TXNDC9: variants seen among roughly 807,000 people sequenced by gnomAD.
The protein encoded by TXNDC9 is thioredoxin domain-containing protein 9.
Under a neutral mutation model 23.0 loss-of-function variants are expected in TXNDC9, and 7 were observed. The observed-to-expected ratio is 0.30, with a 90% CI of 0.17 to 0.57. The LOEUF is 0.57. Ranked by LOEUF, TXNDC9 falls within the 20% of genes least tolerant of loss-of-function variation. The probability of loss-of-function intolerance (pLI) is 0.90; values close to 1 mark genes in which losing one functional copy is unlikely to be tolerated. For synonymous variants in TXNDC9, 72 were observed against 90.6 expected, an observed-to-expected ratio of 0.79 and a Z score of 1.17; for missense variants, 198 against 252.6, an observed-to-expected ratio of 0.78 and a Z score of 1.47.
At chr2:99,322,568 A>C in intron 3 of TXNDC9, 2 of 1,515,226 alleles carry the variant, frequency 1.3e-6, no homozygotes, top group Non-Finnish European at 1.8e-6. Flanking sequence ...TACAAGAATC[A>C]GAAGTGCACA....
intron 2 of TXNDC9, among the ~76,000 whole-genome samples, chr2:99,328,633 T>C (rs1038701119): frequency 1.3e-5 from 2 of 152,088 alleles, no homozygotes; most frequent in African/African-American, 4.8e-5. Flanking sequence ...ACTCTTAAAC[T>C]ACTAAAACCA....
chr2:99,316,320 G>A (rs2094188981), downstream of TXNDC9, among the ~76,000 whole-genome samples: 1 of 151,996 alleles, frequency 6.6e-6, no homozygotes, highest in South Asian at 2.1e-4. Context: ...TGAGGTGGAT[G>A]CCACCACACC....
downstream of TXNDC9, among the ~76,000 whole-genome samples, chr2:99,314,252 C>T (rs2094183582): frequency 6.6e-6 from 1 of 152,102 alleles, no homozygotes; most frequent in African/African-American, 2.4e-5. Context: ...TCTACACTGT[C>T]CTTCCTCTGT....
At chr2:99,329,823 C>T (rs956536885) in intron 2 of TXNDC9, among the ~76,000 whole-genome samples, 1 of 151,646 alleles carries the variant, frequency 6.6e-6, no homozygotes, top group African/African-American at 2.4e-5. Context: ...TGAAAATTAG[C>T]CAGGTGTGTT....
the TXNDC9 span, among the ~76,000 whole-genome samples, chr2:99,308,141 A>G: frequency 1.1e-4 from 16 of 152,280 alleles, no homozygotes; most frequent in Admixed American, 5.9e-4. Flanking sequence ...TCCTTCCTGG[A>G]GTTCTGAACT....
chr2:99,314,299 C>A (rs1287240032), downstream of TXNDC9, among the ~76,000 whole-genome samples: 2 of 152,098 alleles, frequency 1.3e-5, no homozygotes, highest in Admixed American at 1.3e-4. Flanking sequence ...TTGGGTTCTG[C>A]ATCTGTGGAT....
downstream of TXNDC9, among the ~76,000 whole-genome samples, chr2:99,315,634 A>G (rs2094187564): frequency 6.6e-6 from 1 of 152,144 alleles, no homozygotes; most frequent in African/African-American, 2.4e-5. Flanking sequence ...TTAGAGTTTT[A>G]TAGTTTTAAT....
chr2:99,313,995 T>A (rs1319918140), downstream of TXNDC9, among the ~76,000 whole-genome samples: 2 of 152,224 alleles, frequency 1.3e-5, no homozygotes, highest in Non-Finnish European at 2.9e-5. Context: ...TAAATATATA[T>A]GATTTGTTTT....
chr2:99,336,051 CAG>C (rs1367513405), intron 1 of TXNDC9, among the ~76,000 whole-genome samples, 186 bp downstream of exon 1: 6 of 152,240 alleles, frequency 3.9e-5, no homozygotes, highest in African/African-American at 7.2e-5. Context: ...CCCGGGGAAA[CAG>C]AGGAAAGCAC....
At chr2:99,320,188 T>C (rs887374206) in intron 4 of TXNDC9, among the ~76,000 whole-genome samples, 12 of 152,318 alleles carry the variant, frequency 7.9e-5, no homozygotes, top group African/African-American at 2.6e-4. Context: ...TTACATTTTT[T>C]GTAGTGATGA....
the TXNDC9 span, among the ~76,000 whole-genome samples, chr2:99,310,623 A>G: frequency 6.6e-6 from 1 of 152,172 alleles, no homozygotes; most frequent in Admixed American, 6.5e-5. Context: ...TGACCTTAAA[A>G]GAGATAGGAT....
intron 3 of TXNDC9, among the ~76,000 whole-genome samples, chr2:99,323,492 T>C (rs544969232): frequency 2.0e-5 from 3 of 152,222 alleles, no homozygotes; most frequent in African/African-American, 4.8e-5. Flanking sequence ...TCCCAACACT[T>C]TGGGAGGCTG....
chr2:99,319,846 T>G, intron 4 of TXNDC9, 47 bp from the exon 5 acceptor site: 2 of 1,130,284 alleles, frequency 1.8e-6, no homozygotes, highest in Non-Finnish European at 2.6e-6. Context: ...TTAGTACTAG[T>G]ATACTAAACT....
intron 3 of TXNDC9, among the ~76,000 whole-genome samples, chr2:99,326,141 G>A (rs1049809434): frequency 1.3e-5 from 2 of 152,174 alleles, no homozygotes; most frequent in Non-Finnish European, 2.9e-5. Flanking sequence ...ATGCGAGATG[G>A]TTGTGTACCA....
At chr2:99,316,433 C>T (rs1204475687), downstream of TXNDC9, among the ~76,000 whole-genome samples, 4 of 152,048 alleles carry the variant, frequency 2.6e-5, no homozygotes, top group East Asian at 1.9e-4. Flanking sequence ...AGCTCCAAAG[C>T]GCTGGGATTA....
the TXNDC9 span, among the ~76,000 whole-genome samples, chr2:99,311,882 C>G: frequency 3.9e-5 from 6 of 152,330 alleles, no homozygotes; most frequent in South Asian, 1.2e-3. Flanking sequence ...TAATGACAAG[C>G]TCAAAATTAT....
intron 3 of TXNDC9, among the ~76,000 whole-genome samples, chr2:99,327,189 C>T (rs1355192667): frequency 1.3e-5 from 2 of 152,146 alleles, no homozygotes; most frequent in Non-Finnish European, 2.9e-5. Context: ...TCTCCCACCT[C>T]AGCCTCCCCA....
chr2:99,327,580 T>A lies in TXNDC9; in HGVS notation c.263A>T (p.Glu88Val). ...SERDFFQEVK[E>V]SENVVCHFYR... ...GAAATGGCAAACCACATTTTCACTC[T>A]CCTTGACTTCTTGAAAAAAGTCTCT... The change falls in exon 3 of 5, where the codon GAG (glutamate) becomes GTG (valine). Residue 88 changes from glutamate to valine, a missense_variant. Coordinates refer to ENST00000264255, the MANE Select transcript of TXNDC9 (RefSeq NM_005783.4). The A allele has an allele frequency of 3.1e-6, 5 of 1,613,848 alleles. No homozygotes were observed. The highest frequency in any genetic ancestry group is 4.2e-6 in the Non-Finnish European group (5 of 1,179,890).
chr2:99,309,485 G>C, the TXNDC9 span, among the ~76,000 whole-genome samples: 1 of 151,988 alleles, frequency 6.6e-6, no homozygotes, highest in African/African-American at 2.4e-5. Context: ...CTCCAGCCTA[G>C]GAGACAGAGT....
Sources: gnomAD v4.1 joint callset for allele counts (sites outside exome capture counted in the v4.1 genomes callset) on GRCh38, gnomAD v4.1.1 for gene constraint, MANE v1.5 for transcripts, NCBI Gene and HGNC (gene_info 2026-07-23, HGNC 2026-07-21) for gene names.